Variants in TMIE observed in about 807,000 individuals in gnomAD.
TMIE encodes the protein transmembrane inner ear expressed protein.
Under a neutral mutation model 16.8 loss-of-function variants are expected in TMIE, and 14 were observed. The observed-to-expected ratio is 0.83, with a 90% CI of 0.55 to 1.30. The LOEUF (loss-of-function observed/expected upper bound fraction) is 1.30, where lower values mean the gene tolerates loss of function less well. TMIE is among the 50% of genes most tolerant of loss of function. The pLI is 0.00. For missense variants in TMIE, 204 were observed against 205.9 expected, an observed-to-expected ratio of 0.99 and a Z score of 0.06; for synonymous variants, 75 against 87.2, an observed-to-expected ratio of 0.86 and a Z score of 0.78.
At chr3:46,701,315 G>A, upstream of TMIE, 1 of 491,902 alleles carries the variant, frequency 2.0e-6, no homozygotes, top group Non-Finnish European at 3.5e-6. The surrounding 1 kb of genome is among the most constrained non-coding windows in gnomAD (Gnocchi z 4.3). Flanking sequence ...GCCCTCCACC[G>A]CAGCGATGGC....
At chr3:46,704,985 C>G (rs1700532818) in intron 1 of TMIE, among the ~76,000 whole-genome samples, 1 of 152,156 alleles carries the variant, frequency 6.6e-6, no homozygotes, top group African/African-American at 2.4e-5. Flanking sequence ...TCCTCTCAGA[C>G]CTGGGGCTGG....
chr3:46,701,618 C>T lies in TMIE; in HGVS notation c.93+38C>T. ...CACGGAGGGACTGGGGAGGCTGTCA[C>T]CCTCCAGGCAGGGGGCTGGGGGAGA... On this transcript the variant is annotated intron_variant, in intron 1 of 3. Coordinates refer to ENST00000643606, the MANE Select transcript of TMIE (RefSeq NM_147196.3). The surrounding 1 kb of genome is among the most constrained non-coding windows in gnomAD (Gnocchi z 4.3). 1 of 1,263,070 alleles carries T rather than the reference C, an allele frequency of 7.9e-7. No individual in the cohort carries two copies. The highest frequency in any genetic ancestry group is 1.0e-6 in the Non-Finnish European group (1 of 1,004,122). 78.2% of individuals were successfully genotyped at this position (1,263,070 alleles called of 1,614,324 possible).
At chr3:46,701,263 AG>A (rs984935814), upstream of TMIE, 260 of 323,564 alleles carry the variant, frequency 8.0e-4, 3 homozygotes, top group African/African-American at 5.4e-3. This position sits in a 1 kb window ranked among gnomAD's most constrained non-coding sequence, Gnocchi z 4.3. Context: ...GGGGGCAGGG[AG>A]GGGGAGCCTG....
rs1037470961 is a variant in TMIE, at chr3:46,705,789, G to T, written c.94-1G>T. 21 of 1,613,604 alleles carry T rather than the reference G, an allele frequency of 1.3e-5. No homozygotes were observed. Among genetic ancestry groups the T allele is most frequent in the Non-Finnish European group, 1.8e-5 (21 of 1,179,988 alleles). Reference sequence around the variant, plus strand: ...TCACTCCCCTCTCTCCTGACCCACAGCCCAGCACGGCCCCACCCAAGCCCA... The same window carrying T: ...TCACTCCCCTCTCTCCTGACCCACATCCCAGCACGGCCCCACCCAAGCCCA... On this transcript the variant is annotated splice_acceptor_variant, in intron 1 of 3. Coordinates refer to ENST00000643606, the MANE Select transcript of TMIE (RefSeq NM_147196.3). LOFTEE classifies it high-confidence loss of function.
chr3:46,702,428 T>C (rs1359857751), intron 1 of TMIE, among the ~76,000 whole-genome samples: 1 of 152,046 alleles, frequency 6.6e-6, no homozygotes, highest in Non-Finnish European at 1.5e-5. Context: ...CTAACCCCCT[T>C]GTACCCCACT....
At position 46,709,605 on chromosome 3, in the gene TMIE, AAG is replaced by A; in HGVS notation, c.390_391del (p.Lys131GlyfsTer14). 6.2e-7 allele frequency: 1 copy of A among 1,609,474 alleles called. No individual in the cohort carries two copies. Among genetic ancestry groups the A allele is most frequent in the Non-Finnish European group, 8.5e-7 (1 of 1,175,904 alleles). ...GEDKKKKKKKKKDSVDTVAIK... is the reference protein window; with the variant it reads ...GEDKKKKKKKXKDSVDTVAIK... ...GGATAAGAAGAAGAAGAAGAAGAAG[AAG>A]AAGGACAGTGTGGACACAGTGGCCA... On this transcript the variant is annotated frameshift_variant, in exon 4 of 4. Coordinates refer to ENST00000643606, the MANE Select transcript of TMIE (RefSeq NM_147196.3). LOFTEE classifies it high-confidence loss of function.
Position 46,709,143 on chromosome 3 carries a change from G to C in TMIE, c.229G>C (p.Val77Leu). Reference sequence around the variant, plus strand: ...CCCTACAGTCATCACGCTGTGCTGTGTCTTCAACTGTCGTGTGCCACGGAC... The same window carrying C: ...CCCTACAGTCATCACGCTGTGCTGTCTCTTCAACTGTCGTGTGCCACGGAC... Reference protein sequence around the residue: ...VLSIIITLCCVFNCRVPRTRK... With the variant: ...VLSIIITLCCLFNCRVPRTRK... The change falls in exon 3 of 4, where the codon GTC becomes CTC. Residue 77 changes from valine (V) to leucine (L), a missense_variant. Physicochemically the swap from Val to Leu is conservative, Grantham distance 32. Coordinates refer to ENST00000643606, the MANE Select transcript of TMIE (RefSeq NM_147196.3). 1 of 1,614,126 alleles carries C rather than the reference G, an allele frequency of 6.2e-7. No individual in the cohort carries two copies. Among genetic ancestry groups the C allele is most frequent in the Non-Finnish European group, 8.5e-7 (1 of 1,180,046 alleles).
chr3:46,699,657 A>G (rs60245206), upstream of TMIE, among the ~76,000 whole-genome samples: 245 of 152,358 alleles, frequency 1.6e-3, 1 homozygote, highest in African/African-American at 5.7e-3. Flanking sequence ...TGGCCATCTC[A>G]GGGAACACCG....
chr3:46,708,541 G>A (rs577682899), intron 2 of TMIE, among the ~76,000 whole-genome samples: 20 of 152,338 alleles, frequency 1.3e-4, no homozygotes. Context: ...GCCCTCAGCC[G>A]GAAAACCACT....
Position 46,705,882 on chromosome 3 carries a change from C to T in TMIE, c.186C>T (p.Ile62=). Residue 62 remains isoleucine, a synonymous_variant, in exon 2 of 4, where the codon ATC becomes ATT. Transcript: ENST00000643606. The part of the protein sequence containing the change: ...WDMRLWHVVG[I]FSLFVLSIII... Reference sequence around the variant, plus strand: ...TGCGCCTGTGGCACGTGGTGGGCATCTTTTCGCTCTTCGTGTTGTCCATCA... The same window carrying T: ...TGCGCCTGTGGCACGTGGTGGGCATTTTTTCGCTCTTCGTGTTGTCCATCA... 1.2e-6 allele frequency: 2 copies of T among 1,614,172 alleles called. No individual in the cohort carries two copies. Among genetic ancestry groups the T allele is most frequent in the Non-Finnish European group, 1.7e-6 (2 of 1,180,038 alleles).
chr3:46,705,797 C>T lies in TMIE; in HGVS notation c.101C>T (p.Thr34Met), dbSNP rs763490939. 2.7e-5 allele frequency: 43 copies of T among 1,613,764 alleles called. No homozygotes were observed. Among genetic ancestry groups the T allele is most frequent in the South Asian group, 4.4e-5 (4 of 91,090 alleles). The change falls in exon 2 of 4, where the codon ACG becomes ATG. Residue 34 changes from threonine (T) to methionine (M), a missense_variant. Coordinates refer to ENST00000643606, the MANE Select transcript of TMIE (RefSeq NM_147196.3). ...GVAGQLVEPS[T>M]APPKPKPPPL... ...CTCTCTCCTGACCCACAGCCCAGCA[C>T]GGCCCCACCCAAGCCCAAGCCGCCT... is the stretch of plus-strand genomic sequence containing the variant.
rs1000770567 is a variant in TMIE at position 46,701,622 on chromosome 3, C to T, written c.93+42C>T. The T allele has an allele frequency of 3.2e-6, 4 of 1,258,072 alleles. No individual in the cohort carries two copies. The highest frequency in any genetic ancestry group is 3.0e-6 in the Non-Finnish European group (3 of 999,898). 77.9% of individuals were successfully genotyped at this position (1,258,072 alleles called of 1,614,324 possible). A position where few individuals can be genotyped will look rare whatever the true frequency, so the allele number is the denominator to read the frequency against. On this transcript the variant is annotated intron_variant, in intron 1 of 3. Transcript: ENST00000643606. The surrounding 1 kb of genome is among the most constrained non-coding windows in gnomAD (Gnocchi z 4.3). ...GAGGGACTGGGGAGGCTGTCACCCTCCAGGCAGGGGGCTGGGGGAGAGGGG... is the reference window on the plus strand; with the variant it reads ...GAGGGACTGGGGAGGCTGTCACCCTTCAGGCAGGGGGCTGGGGGAGAGGGG...
upstream of TMIE, chr3:46,701,346 C>T (rs1700472678): frequency 9.7e-6 from 6 of 616,692 alleles, no homozygotes; most frequent in Non-Finnish European, 1.5e-5. This position sits in a 1 kb window ranked among gnomAD's most constrained non-coding sequence, Gnocchi z 4.3. Context: ...GGCGCGGGAA[C>T]CTGACACCGA....
At chr3:46,696,425 G>A (rs559189908), upstream of TMIE, among the ~76,000 whole-genome samples, 1 of 152,318 alleles carries the variant, frequency 6.6e-6, no homozygotes, top group African/African-American at 2.4e-5. Flanking sequence ...AGCACACGCA[G>A]GTCTGACACA....
upstream of TMIE, among the ~76,000 whole-genome samples, chr3:46,699,165 C>T (rs1443400961): frequency 6.6e-6 from 1 of 150,738 alleles, no homozygotes; most frequent in Non-Finnish European, 1.5e-5. Flanking sequence ...CTCCGCCTCC[C>T]GAGTTCAAGC....
rs1350618728 is a variant in TMIE at position 46,709,843 on chromosome 3, G to A, written c.*155G>A. 1 of 1,472,662 alleles carries A rather than the reference G, an allele frequency of 6.8e-7. No individual in the cohort carries two copies. Among genetic ancestry groups the A allele is most frequent in the African/African-American group, 1.4e-5 (1 of 71,120 alleles). The allele number at this position is 1,472,662 out of a possible 1,614,324, so 91.2% of individuals were successfully genotyped here. ...GCCACATCCTCATGGCCCATCAGGG[G>A]CAGGAACCAGACAATCTCGTAGGTG... On this transcript the variant is annotated 3_prime_UTR_variant, in exon 4 of 4. Coordinates refer to ENST00000643606, the MANE Select transcript of TMIE (RefSeq NM_147196.3).
At position 46,710,613 on chromosome 3, in the gene TMIE, A is replaced by G. The variant is rs932984307; in HGVS notation, c.*925A>G. On this transcript the variant is annotated 3_prime_UTR_variant, in exon 4 of 4. Transcript: ENST00000643606. ...CAGCAGGGCCTTCTGCCTGCTGACC[A>G]TAACAGTGCCAGCTTCTTTGCAGCT... The G allele has an allele frequency of 6.6e-6, 1 of 152,260 alleles. No individual in the cohort carries two copies. Among genetic ancestry groups the G allele is most frequent in the South Asian group, 2.1e-4 (1 of 4,832 alleles). The allele number at this position is 152,260 out of a possible 1,614,324, so 9.4% of individuals were successfully genotyped here.
chr3:46,706,195 A>AT (rs1700550980), intron 2 of TMIE, among the ~76,000 whole-genome samples: 1 of 152,028 alleles, frequency 6.6e-6, no homozygotes, highest in Admixed American at 6.6e-5. Flanking sequence ...AGGACGTGTC[A>AT]TTTTTCCCTA....
intron 1 of TMIE, among the ~76,000 whole-genome samples, chr3:46,703,792 C>T (rs1313032486): frequency 6.6e-6 from 1 of 152,168 alleles, no homozygotes; most frequent in East Asian, 1.9e-4. Flanking sequence ...GCGCCTGGCT[C>T]ATGACAGATG....
Sources: gnomAD v4.1 joint callset for allele counts (sites outside exome capture counted in the v4.1 genomes callset) on GRCh38, gnomAD v4.1.1 for gene constraint, Gnocchi (gnomAD v3.1) non-coding constraint, MANE v1.5 for transcripts, NCBI Gene and HGNC (gene_info 2026-07-23, HGNC 2026-07-21) for gene names.